Variants in KLF12 observed in about 807,000 individuals in gnomAD.
The protein encoded by KLF12 is KLF transcription factor 12.
A neutral mutation model predicts 37.8 loss-of-function variants in KLF12; 9 were observed. The observed-to-expected ratio is 0.24, with a 90% confidence interval of 0.14 to 0.42. The LOEUF (loss-of-function observed/expected upper bound fraction) is 0.42. KLF12 is among the 10% of genes least tolerant of loss of function. The pLI is 1.00. For synonymous variants in KLF12, 208 were observed against 202.1 expected, an observed-to-expected ratio of 1.03 and a Z score of -0.25; for missense variants, 411 against 516.0, an observed-to-expected ratio of 0.80 and a Z score of 1.97.
intron 2 of KLF12, among the ~76,000 whole-genome samples, chr13:73,980,229 T>C (rs1409236346): frequency 6.6e-6 from 1 of 152,186 alleles, no homozygotes; most frequent in East Asian, 1.9e-4. Flanking sequence ...TTATTACCAT[T>C]AAAAATTGAA....
At chr13:73,920,381 G>T (rs1342951806) in intron 3 of KLF12, among the ~76,000 whole-genome samples, 1 of 151,412 alleles carries the variant, frequency 6.6e-6, no homozygotes, top group Non-Finnish European at 1.5e-5. Context: ...TCATCTTATG[G>T]GCCAGGTACA....
upstream of KLF12, among the ~76,000 whole-genome samples, chr13:74,134,007 G>A (rs1383127149): frequency 6.6e-6 from 1 of 152,108 alleles, no homozygotes; most frequent in African/African-American, 2.4e-5. Flanking sequence ...AGGGTGGGCC[G>A]GTGGGTGGAG....
Position 73,695,444 on chromosome 13 carries a change from C to A in KLF12, c.*46G>T. 1.3e-6 allele frequency: 2 copies of A among 1,587,930 alleles called. No homozygotes were observed. The highest frequency in any genetic ancestry group is 1.7e-6 in the Non-Finnish European group (2 of 1,159,928). On this transcript the variant is annotated 3_prime_UTR_variant, in exon 8 of 8. Coordinates refer to ENST00000377669, the MANE Select transcript of KLF12 (RefSeq NM_007249.5). ...GATTCAGCCCTGCTGAATTGGGTGC[C>A]GCTAAGAGATCCAGCTCTTACGCTC...
intron 1 of KLF12, among the ~76,000 whole-genome samples, chr13:74,101,659 G>A (rs1876348797): frequency 6.6e-6 from 1 of 152,116 alleles, no homozygotes; most frequent in East Asian, 1.9e-4. Context: ...ATCAGGATGT[G>A]TCTAAGAGAC....
chr13:73,793,726 CTT>C (rs1214000311), intron 5 of KLF12, among the ~76,000 whole-genome samples: 1 of 152,174 alleles, frequency 6.6e-6, no homozygotes, highest in African/African-American at 2.4e-5. Flanking sequence ...ATTCCAAACT[CTT>C]ATTTAAATTG....
chr13:73,839,745 C>G (rs975412738), intron 4 of KLF12, among the ~76,000 whole-genome samples: 2 of 152,156 alleles, frequency 1.3e-5, no homozygotes, highest in African/African-American at 4.8e-5. Context: ...ACACCTGCAT[C>G]TTGCAGTAAT....
At chr13:73,737,470 G>A (rs1877548721) in intron 6 of KLF12, among the ~76,000 whole-genome samples, 1 of 152,092 alleles carries the variant, frequency 6.6e-6, no homozygotes, top group Admixed American at 6.5e-5. Context: ...CTCTTCATCT[G>A]TAAAATAAGA....
At chr13:73,805,650 GAGGAAGGAAGGAAGGAAGGAAGGA>G (rs1164051826) in intron 5 of KLF12, among the ~76,000 whole-genome samples, 519 of 36,956 alleles carry the variant, frequency 0.014, 6 homozygotes, top group East Asian at 0.045. Flanking sequence ...GGGAGGGAGG[GAGGAAGGAAGGAAGGAAGGAAGGA>G]AGGAAGGAAG....
intron 3 of KLF12, among the ~76,000 whole-genome samples, chr13:73,894,280 C>G (rs147769981): frequency 1.3e-5 from 2 of 152,290 alleles, no homozygotes; most frequent in African/African-American, 4.8e-5. Context: ...CTCAAGATGT[C>G]TACAAACCAT....
rs1317092386 is a variant in KLF12, at chr13:73,805,665, GAA to G, written c.806+7485_806+7486del. Among the ~76,000 whole-genome samples the G allele has an allele frequency of 5.4e-3, 396 of 73,362 alleles. 10 individuals carry two copies. The highest frequency in any genetic ancestry group is 7.5e-3 in the Non-Finnish European group (268 of 35,510). 48.1% of individuals were successfully genotyped at this position (73,362 alleles called of 152,430 possible). The stretch of plus-strand genomic sequence containing the variant: ...GGGAGGGAGGGAGGAAGGAAGGAAG[GAA>G]GGAAGGAAGGAAGGAAGGAAGGAAG... On this transcript the variant is annotated intron_variant, in intron 5 of 7. Coordinates refer to ENST00000377669, the MANE Select transcript of KLF12 (RefSeq NM_007249.5).
At chr13:74,165,361 C>A in the KLF12 span, among the ~76,000 whole-genome samples, 1 of 143,176 alleles carries the variant, frequency 7.0e-6, no homozygotes, top group Middle Eastern at 3.8e-3. Context: ...AGTGCAGTAG[C>A]GCAATCTTGA....
chr13:73,776,987 G>A lies in KLF12; in HGVS notation c.807-11987C>T, dbSNP rs368955925. Among the ~76,000 whole-genome samples, 7 of 152,172 alleles carry A rather than the reference G, an allele frequency of 4.6e-5. No individual in the cohort carries two copies. In the South Asian group the frequency reaches 1.5e-3, roughly 32 times the overall value. On this transcript the variant is annotated intron_variant, in intron 5 of 7. Coordinates refer to ENST00000377669, the MANE Select transcript of KLF12 (RefSeq NM_007249.5). Reference sequence around the variant, plus strand: ...GGGAAGTATACAATAGTCTCAGAAAGGTTAAACAACAACAACATAAGATTA... The same window carrying A: ...GGGAAGTATACAATAGTCTCAGAAAAGTTAAACAACAACAACATAAGATTA...
At chr13:73,737,630 T>C (rs1349811128) in intron 6 of KLF12, among the ~76,000 whole-genome samples, 1 of 152,182 alleles carries the variant, frequency 6.6e-6, no homozygotes, top group Non-Finnish European at 1.5e-5. Context: ...AGAATTTAAC[T>C]TTCCTTGATT....
intron 1 of KLF12, among the ~76,000 whole-genome samples, chr13:74,015,015 C>T (rs1289212975): frequency 1.3e-5 from 2 of 151,952 alleles, no homozygotes; most frequent in African/African-American, 2.4e-5. Context: ...AGTTTATTAC[C>T]TTTTCATGAT....
intron 3 of KLF12, among the ~76,000 whole-genome samples, chr13:73,926,627 T>C (rs971736122): frequency 2.5e-5 from 2 of 80,630 alleles, no homozygotes; most frequent in Non-Finnish European, 6.6e-5. Flanking sequence ...TTTCTCTCTC[T>C]CTCTTTTTTT....
At chr13:73,821,970 A>G (rs549588501) in intron 4 of KLF12, among the ~76,000 whole-genome samples, 3 of 152,318 alleles carry the variant, frequency 2.0e-5, no homozygotes, top group African/African-American at 7.2e-5. Context: ...AATTATAGTT[A>G]GGCATACACT....
At chr13:73,843,839 TGAGAA>T (rs1205989250) in intron 4 of KLF12, among the ~76,000 whole-genome samples, 2 of 152,156 alleles carry the variant, frequency 1.3e-5, no homozygotes, top group African/African-American at 2.4e-5. Flanking sequence ...ATTCTTGATA[TGAGAA>T]AACTACTGAG....
At chr13:74,178,485 TAATACTGTATC>T in the KLF12 span, among the ~76,000 whole-genome samples, 1 of 152,258 alleles carries the variant, frequency 6.6e-6, no homozygotes, top group Non-Finnish European at 1.5e-5. Flanking sequence ...GGTGACTCTG[TAATACTGTATC>T]AATACTGTAT....
At chr13:73,901,452 T>C (rs1888036308) in intron 3 of KLF12, among the ~76,000 whole-genome samples, 1 of 152,174 alleles carries the variant, frequency 6.6e-6, no homozygotes, top group Non-Finnish European at 1.5e-5. Flanking sequence ...ACATTATCTT[T>C]ACATTAGCCT....
Sources: allele counts gnomAD v4.1 joint callset (sites outside exome capture counted in the v4.1 genomes callset), GRCh38; gene constraint gnomAD v4.1.1; transcripts MANE v1.5; gene names NCBI Gene and HGNC (gene_info 2026-07-23, HGNC 2026-07-21).